UNC5C: variants seen among roughly 807,000 people sequenced by gnomAD.
UNC5C encodes the protein netrin receptor UNC5C.
A neutral mutation model predicts 99.8 loss-of-function variants in UNC5C; 47 were observed. That is an observed-to-expected ratio of 0.47 (90% CI 0.37 to 0.60). The LOEUF is 0.60. Among genes scored for constraint, UNC5C ranks in the 20% least tolerant of loss-of-function variants. UNC5C has a pLI of 0.00. For missense variants in UNC5C, 1,062 were observed against 1,165.9 expected (o/e 0.91, Z 1.30); for synonymous variants, 487 against 452.2 (o/e 1.08, Z -0.98).
At chr4:95,180,635 C>G (rs1173914610) in intron 14 of UNC5C, among the ~76,000 whole-genome samples, 1 of 152,196 alleles carries the variant, frequency 6.6e-6, no homozygotes, top group Non-Finnish European at 1.5e-5. Context: ...TCACGCACAG[C>G]CTGGTCTCTG....
At chr4:95,201,017 T>A (rs1277663355) in intron 12 of UNC5C, among the ~76,000 whole-genome samples, 1 of 151,986 alleles carries the variant, frequency 6.6e-6, no homozygotes, top group Non-Finnish European at 1.5e-5. Context: ...TCTCCCCAGC[T>A]CTCCACCACG....
At chr4:95,460,196 TG>T in intron 1 of UNC5C, among the ~76,000 whole-genome samples, 1 of 111,370 alleles carries the variant, frequency 9.0e-6, no homozygotes, top group Non-Finnish European at 1.9e-5. Flanking sequence ...GTCCATGTGG[TG>T]TTTTTTTTTT....
intron 1 of UNC5C, among the ~76,000 whole-genome samples, chr4:95,446,490 C>T (rs546804891): frequency 2.0e-5 from 3 of 151,846 alleles, no homozygotes; most frequent in South Asian, 2.1e-4. Flanking sequence ...AACTTCAGGG[C>T]GAGGAAACAA....
At chr4:95,360,819 A>C (rs1375028219) in intron 1 of UNC5C, among the ~76,000 whole-genome samples, 1 of 152,180 alleles carries the variant, frequency 6.6e-6, no homozygotes, top group Non-Finnish European at 1.5e-5. Flanking sequence ...AAGAAATTAG[A>C]ATTGGCCATC....
chr4:95,485,418 A>G (rs1488820835), intron 1 of UNC5C, among the ~76,000 whole-genome samples: 1 of 151,826 alleles, frequency 6.6e-6, no homozygotes, highest in Admixed American at 6.6e-5. Flanking sequence ...AACTTGTTGT[A>G]GGCACTTGAA....
At chr4:95,231,911 C>T (rs1472585080) in intron 7 of UNC5C, among the ~76,000 whole-genome samples, 2 of 152,256 alleles carry the variant, frequency 1.3e-5, no homozygotes, top group Admixed American at 6.5e-5. Flanking sequence ...AGAACATTTG[C>T]TTATCACTGA....
intron 1 of UNC5C, among the ~76,000 whole-genome samples, chr4:95,336,302 A>G (rs1023618725): frequency 6.6e-6 from 1 of 151,920 alleles, no homozygotes; most frequent in Non-Finnish European, 1.5e-5. Context: ...TGTGTTTTAC[A>G]AAAGTCAAGG....
intron 1 of UNC5C, among the ~76,000 whole-genome samples, chr4:95,429,624 G>A (rs758850248): frequency 6.6e-6 from 1 of 152,044 alleles, no homozygotes. Context: ...ATACTGACAC[G>A]AATCAGATCG....
chr4:95,265,791 T>G (rs1740423892), intron 4 of UNC5C, among the ~76,000 whole-genome samples: 1 of 152,170 alleles, frequency 6.6e-6, no homozygotes, highest in African/African-American at 2.4e-5. Flanking sequence ...GCCCTCCCAC[T>G]AATTGAGCTT....
Position 95,224,119 on chromosome 4 carries a change from C to A in UNC5C, c.1109-3943G>T, listed in dbSNP as rs1231513066. On this transcript the variant is annotated intron_variant, in intron 7 of 15. Coordinates refer to ENST00000453304, the MANE Select transcript of UNC5C (RefSeq NM_003728.4). ...CAACATGGTGAAAGCCCATCTCTACCCAAAATACAAAAAATTAGCTAGGCA... is the reference window on the plus strand; with the variant it reads ...CAACATGGTGAAAGCCCATCTCTACACAAAATACAAAAAATTAGCTAGGCA... Among the ~76,000 whole-genome samples, 13 of 151,892 alleles carry A rather than the reference C, an allele frequency of 8.6e-5. No individual in the cohort carries two copies. In the South Asian group the frequency reaches 1.5e-3, roughly 17 times the overall value.
chr4:95,501,463 T>C (rs1359169717), intron 1 of UNC5C, among the ~76,000 whole-genome samples: 1 of 152,128 alleles, frequency 6.6e-6, no homozygotes, highest in Non-Finnish European at 1.5e-5. Context: ...ATATTTTTTG[T>C]TACTAATTAG....
intron 1 of UNC5C, among the ~76,000 whole-genome samples, chr4:95,448,198 C>CTGTGTG (rs759654336): frequency 2.9e-5 from 3 of 103,940 alleles, no homozygotes; most frequent in Admixed American, 8.7e-5. Flanking sequence ...ATGTGTGTGT[C>CTGTGTG]TCTGTGTGTG....
chr4:95,468,615 G>A (rs1222167725), intron 1 of UNC5C, among the ~76,000 whole-genome samples: 4 of 152,086 alleles, frequency 2.6e-5, no homozygotes, highest in Admixed American at 2.6e-4. Flanking sequence ...AACAATGATG[G>A]CATATTCAAT....
intron 14 of UNC5C, among the ~76,000 whole-genome samples, chr4:95,171,432 T>C (rs561053634): frequency 3.7e-3 from 485 of 132,188 alleles, no homozygotes; most frequent in Non-Finnish European, 5.4e-3. Flanking sequence ...GATGTTCCCC[T>C]TCCTGTGTCC....
At chr4:95,408,934 A>G (rs1745902351) in intron 1 of UNC5C, among the ~76,000 whole-genome samples, 1 of 152,202 alleles carries the variant, frequency 6.6e-6, no homozygotes, top group African/African-American at 2.4e-5. Context: ...CACCCACATC[A>G]TTTAGAGAAA....
chr4:95,406,404 C>T (rs979527591), intron 1 of UNC5C, among the ~76,000 whole-genome samples: 2 of 152,098 alleles, frequency 1.3e-5, no homozygotes, highest in East Asian at 1.9e-4. Context: ...CCATAGGTAC[C>T]GTGGCAGGAT....
intron 1 of UNC5C, among the ~76,000 whole-genome samples, chr4:95,391,975 T>C (rs1745374524): frequency 2.0e-5 from 3 of 152,126 alleles, no homozygotes; most frequent in Admixed American, 6.6e-5. Flanking sequence ...GAGGATCACT[T>C]GAGCCCCAGA....
At chr4:95,515,908 T>C (rs1260297176) in intron 1 of UNC5C, among the ~76,000 whole-genome samples, 1 of 152,204 alleles carries the variant, frequency 6.6e-6, no homozygotes, top group East Asian at 1.9e-4. Context: ...GTGTAAACAT[T>C]AACCAAACAA....
chr4:95,428,014 A>C (rs565101399), intron 1 of UNC5C, among the ~76,000 whole-genome samples: 2 of 151,554 alleles, frequency 1.3e-5, no homozygotes, highest in East Asian at 3.9e-4. Context: ...TTCCATCCAA[A>C]TCGCTAGATT....
Sources: gnomAD v4.1 joint callset for allele counts (sites outside exome capture counted in the v4.1 genomes callset) on GRCh38, gnomAD v4.1.1 for gene constraint, MANE v1.5 for transcripts, NCBI Gene and HGNC (gene_info 2026-07-23, HGNC 2026-07-21) for gene names.